Variants in LPP observed in about 807,000 individuals in gnomAD.
The protein encoded by LPP is LIM domain containing preferred translocation partner in lipoma.
Under a neutral mutation model 60.4 loss-of-function variants are expected in LPP, and 38 were observed. The ratio of observed to expected loss-of-function variants is 0.63; its 90% CI spans 0.49 to 0.83. The LOEUF (loss-of-function observed/expected upper bound fraction) is 0.83. LPP is among the 40% of genes least tolerant of loss of function. The pLI is 0.00. For missense variants in LPP, 902 were observed against 783.6 expected (o/e 1.15, Z -1.80); for synonymous variants, 328 against 290.8 (o/e 1.13, Z -1.30).
Position 188,753,580 on chromosome 3 carries a change from C to CGTGCGT in LPP, c.1241-6530_1241-6529insCGTGTG, listed in dbSNP as rs367698835. Among the ~76,000 whole-genome samples, 52 of 139,558 alleles carry CGTGCGT rather than the reference C, an allele frequency of 3.7e-4. 1 individual carries two copies. Among genetic ancestry groups the CGTGCGT allele is most frequent in the African/African-American group, 1.3e-3 (49 of 36,876 alleles). The allele number at this position is 139,558 out of a possible 152,430, so 91.6% of individuals were successfully genotyped here. On this transcript the variant is annotated intron_variant, in intron 8 of 11. Transcript: ENST00000617246. ...CCTTGGGGTTTTGGCTTGTTGTGTG[C>CGTGCGT]GTGTGTGTGTGTGTGTGTGTGTGTG...
intron 3 of LPP, among the ~76,000 whole-genome samples, chr3:188,370,283 C>T (rs960318246): frequency 6.6e-6 from 1 of 152,136 alleles, no homozygotes; most frequent in Non-Finnish European, 1.5e-5. Context: ...TAGTTTCATT[C>T]TACAGCTATA....
chr3:188,757,725 G>C (rs1333194338), intron 8 of LPP, among the ~76,000 whole-genome samples: 1 of 152,016 alleles, frequency 6.6e-6, no homozygotes, highest in Non-Finnish European at 1.5e-5. Flanking sequence ...GCTTTCACAG[G>C]AATCTAATAT....
chr3:188,198,933 A>G (rs1288989649), intron 1 of LPP, among the ~76,000 whole-genome samples: 1 of 152,214 alleles, frequency 6.6e-6, no homozygotes, highest in South Asian at 2.1e-4. Context: ...ACTCAGTGGT[A>G]TACAACAATC....
chr3:188,879,559 G>A lies in LPP; in HGVS notation c.*5080G>A, dbSNP rs1365684023. On this transcript the variant is annotated 3_prime_UTR_variant, in exon 12 of 12. Transcript: ENST00000617246. ...CAGGGACTGAGGTCATAGATTCTTGGAAAATTCATTTGTGACTGATCTAGT... is the reference window on the plus strand; with the variant it reads ...CAGGGACTGAGGTCATAGATTCTTGAAAAATTCATTTGTGACTGATCTAGT... 5.2e-6 allele frequency: 1 copy of A among 192,224 alleles called. No individual in the cohort carries two copies. The highest frequency in any genetic ancestry group is 2.3e-5 in the African/African-American group (1 of 43,060). The allele number at this position is 192,224 out of a possible 1,614,324, so 11.9% of individuals were successfully genotyped here.
intron 3 of LPP, among the ~76,000 whole-genome samples, chr3:188,349,019 T>C (rs569216934): frequency 6.6e-6 from 1 of 152,290 alleles, no homozygotes; most frequent in South Asian, 2.1e-4. Context: ...CAAACTGGGA[T>C]TGGATTCTAA....
chr3:188,623,027 T>TAA (rs747020083), intron 7 of LPP, among the ~76,000 whole-genome samples: 12 of 79,472 alleles, frequency 1.5e-4, no homozygotes, highest in African/African-American at 2.9e-4. Flanking sequence ...GACTCCATCT[T>TAA]AAAAAAAAAA....
chr3:188,372,700 T>G (rs559980439), intron 3 of LPP, among the ~76,000 whole-genome samples: 2 of 151,852 alleles, frequency 1.3e-5, no homozygotes, highest in African/African-American at 2.4e-5. Flanking sequence ...TTTTGTTTTT[T>G]TTTTTTAAAT....
intron 4 of LPP, among the ~76,000 whole-genome samples, chr3:188,466,556 C>G (rs1469470607): frequency 6.6e-6 from 1 of 151,842 alleles, no homozygotes; most frequent in Non-Finnish European, 1.5e-5. Context: ...TTGTCAATCT[C>G]ACATCCTCAA....
chr3:188,673,178 C>T (rs976103021), intron 7 of LPP, among the ~76,000 whole-genome samples: 8 of 152,070 alleles, frequency 5.3e-5, no homozygotes, highest in African/African-American at 1.4e-4. Flanking sequence ...TATTTCCAGT[C>T]ACGAGAAGTT....
At chr3:188,796,256 C>T (rs775764156) in intron 9 of LPP, among the ~76,000 whole-genome samples, 2 of 152,116 alleles carry the variant, frequency 1.3e-5, no homozygotes, top group Non-Finnish European at 2.9e-5. Context: ...CCAGACAGTG[C>T]AGCACGCTGA....
At chr3:188,379,877 G>T (rs1361777132) in intron 3 of LPP, among the ~76,000 whole-genome samples, 1 of 152,210 alleles carries the variant, frequency 6.6e-6, no homozygotes, top group African/African-American at 2.4e-5. Flanking sequence ...TTGAAAGGTT[G>T]AAAGTAGACT....
chr3:188,480,615 G>A lies in LPP; in HGVS notation c.194-3977G>A, dbSNP rs1804504394. The stretch of plus-strand genomic sequence containing the variant: ...ATTTCCATTTTAGATTTGATACATC[G>A]CTGCCAATTGCCGGATGGCATTTTG... On this transcript the variant is annotated intron_variant, in intron 4 of 11. Transcript: ENST00000617246. Among the ~76,000 whole-genome samples the A allele has an allele frequency of 4.6e-5, 7 of 152,286 alleles. No individual in the cohort carries two copies. In the South Asian group the frequency reaches 1.0e-3, roughly 23 times the overall value.
intron 2 of LPP, among the ~76,000 whole-genome samples, chr3:188,250,784 T>TTCTTTCTTTCTTTCTG (rs1553835749): frequency 9.2e-4 from 107 of 116,916 alleles, no homozygotes; most frequent in Non-Finnish European, 1.2e-3. Context: ...CTTTCTTTCT[T>TTCTTTCTTTCTTTCTG]TCTGTCTTTC....
intron 7 of LPP, among the ~76,000 whole-genome samples, chr3:188,675,034 C>T (rs955774538): frequency 2.0e-5 from 3 of 149,930 alleles, no homozygotes; most frequent in East Asian, 2.0e-4. Context: ...ATTGTGATTA[C>T]GAGGGCATAG....
At chr3:188,243,003 C>A (rs1285039604) in intron 2 of LPP, among the ~76,000 whole-genome samples, 2 of 152,108 alleles carry the variant, frequency 1.3e-5, no homozygotes, top group African/African-American at 4.8e-5. Context: ...AAGATACTTG[C>A]TATATTGTTT....
intron 3 of LPP, among the ~76,000 whole-genome samples, chr3:188,373,183 T>C (rs940186298): frequency 2.0e-4 from 30 of 152,210 alleles, no homozygotes; most frequent in Non-Finnish European, 4.3e-4. Flanking sequence ...GCATGTGTCT[T>C]TATAGCAGCA....
intron 9 of LPP, among the ~76,000 whole-genome samples, chr3:188,799,661 T>C (rs1158524729): frequency 6.6e-6 from 1 of 152,348 alleles, no homozygotes; most frequent in South Asian, 2.1e-4. Context: ...AGTGTGCCTG[T>C]TACCTTAATT....
chr3:188,542,371 A>G (rs1409080927), intron 6 of LPP, among the ~76,000 whole-genome samples: 4 of 152,214 alleles, frequency 2.6e-5, no homozygotes, highest in African/African-American at 9.6e-5. Flanking sequence ...CTGTTTTATG[A>G]TAGGCACATC....
intron 7 of LPP, among the ~76,000 whole-genome samples, chr3:188,700,222 G>A (rs777013279): frequency 5.3e-5 from 8 of 152,178 alleles, no homozygotes; most frequent in Non-Finnish European, 1.2e-4. Context: ...TGTTTTATCC[G>A]CCTGAGCGGT....
Sources: allele counts gnomAD v4.1 joint callset (sites outside exome capture counted in the v4.1 genomes callset), GRCh38; gene constraint gnomAD v4.1.1; transcripts MANE v1.5; gene names NCBI Gene and HGNC (gene_info 2026-07-23, HGNC 2026-07-21).